Variants in TNP2 observed in about 807,000 individuals in gnomAD.
TNP2 encodes transition protein 2, also known as nuclear transition protein 2.
In TNP2, 10 loss-of-function variants were observed where a neutral mutation model predicts 8.5. The ratio of observed to expected loss-of-function variants is 1.17; its 90% CI spans 0.72 to 1.99. The LOEUF (loss-of-function observed/expected upper bound fraction) is 1.99, where lower values mean the gene tolerates loss of function less well. Among genes scored for constraint, TNP2 ranks in the 30% most tolerant of loss-of-function variants. The pLI is 0.00. For missense variants in TNP2, 222 were observed against 181.2 expected (o/e 1.23, Z -1.29); for synonymous variants, 80 against 62.3 (o/e 1.28, Z -1.34).
chr16:11,268,808 C>G (rs2069744344), intron 1 of TNP2, 55 bp downstream of exon 1: 4 of 1,499,674 alleles, frequency 2.7e-6, no homozygotes, highest in East Asian at 2.3e-5. Context: ...CCCCCAAGGT[C>G]TGCTCTCCAT....
At position 11,269,323 on chromosome 16, in the gene TNP2, TAC is replaced by T; in HGVS notation, c.-63_-62del. On this transcript the variant is annotated 5_prime_UTR_variant, in exon 1 of 2. Coordinates refer to ENST00000312693, the MANE Select transcript of TNP2 (RefSeq NM_005425.5). Reference sequence around the variant, plus strand: ...CATCCTCTCCCAGCAGGCCTAGCTTTACAGAGGCCCTGGCAGCCCACCTGGTT... The same window carrying T: ...CATCCTCTCCCAGCAGGCCTAGCTTTAGAGGCCCTGGCAGCCCACCTGGTT... The T allele has an allele frequency of 6.5e-7, 1 of 1,537,222 alleles. No individual in the cohort carries two copies. The highest frequency in any genetic ancestry group is 1.2e-5 in the South Asian group (1 of 80,370).
chr16:11,268,773 C>G, intron 1 of TNP2, 90 bp downstream of exon 1: 1 of 1,387,424 alleles, frequency 7.2e-7, no homozygotes, highest in Non-Finnish European at 9.5e-7. Context: ...TCCTTTGTGA[C>G]CTGGCTGCAG....
In TNP2 at chr16:11,268,116, T is replaced by C. The variant is rs549286248; in HGVS notation, c.401-104A>G. 10 of 1,064,456 alleles carry C rather than the reference T, an allele frequency of 9.4e-6. No homozygotes were observed. In the South Asian group the frequency reaches 1.4e-4, roughly 15 times the overall value. The allele number at this position is 1,064,456 out of a possible 1,614,324, so 65.9% of individuals were successfully genotyped here. ...GGTCTTACAACTACTCATTTGTGAT[T>C]GAATATGGGACATAGATAGAGTTTA... On this transcript the variant is annotated intron_variant, in intron 1 of 1. Transcript: ENST00000312693.
chr16:11,268,052 G>C, intron 1 of TNP2, 40 bp from the exon 2 acceptor site: 3 of 1,606,248 alleles, frequency 1.9e-6, no homozygotes, highest in Non-Finnish European at 2.6e-6. Context: ...TAATAGCTGA[G>C]CACTTCATGA....
rs766080499 is a variant in TNP2 at position 11,267,979 on chromosome 16, CA to C, written c.*16del. ...TTGGGTGAAACACGCAGGAACAAGCCAAGGAGTGCGGTCTCATTAGTTGGAT... is the reference window on the plus strand; with the variant it reads ...TTGGGTGAAACACGCAGGAACAAGCCAGGAGTGCGGTCTCATTAGTTGGAT... On this transcript the variant is annotated 3_prime_UTR_variant, in exon 2 of 2. Coordinates refer to ENST00000312693, the MANE Select transcript of TNP2 (RefSeq NM_005425.5). 9.9e-6 allele frequency: 16 copies of C among 1,611,374 alleles called. No individual in the cohort carries two copies. In the African/African-American group the frequency reaches 1.9e-4, roughly 19 times the overall value.
In TNP2 at chr16:11,267,903, A is replaced by G. The variant is rs555656700; in HGVS notation, c.*93T>C. 41 of 1,374,866 alleles carry G rather than the reference A, an allele frequency of 3.0e-5. No homozygotes were observed. In the African/African-American group the frequency reaches 3.8e-4, roughly 13 times the overall value. The allele number at this position is 1,374,866 out of a possible 1,614,324, so 85.2% of individuals were successfully genotyped here. ...TAATTAGTGTTGCGTAGAAATCACC[A>G]TAGTAACATGTTCCTGCAAGAAGAT... On this transcript the variant is annotated 3_prime_UTR_variant, in exon 2 of 2. Coordinates refer to ENST00000312693, the MANE Select transcript of TNP2 (RefSeq NM_005425.5).
Position 11,269,095 on chromosome 16 carries a change from G to T in TNP2, c.168C>A (p.His56Gln), listed in dbSNP as rs745401850. 1.9e-6 allele frequency: 3 copies of T among 1,614,016 alleles called. No homozygotes were observed. The highest frequency in any genetic ancestry group is 2.2e-5 in the South Asian group (2 of 91,076). The change falls in exon 1 of 2, where the codon CAC becomes CAA. Residue 56 changes from histidine (H) to glutamine (Q), a missense_variant. Coordinates refer to ENST00000312693, the MANE Select transcript of TNP2 (RefSeq NM_005425.5). ...AGCTGTGGGCTCCAGTTGGGTTGCG[G>T]TGGCTGGCCGGGCTCTGGCTGGAGC... Reference protein sequence around the residue: ...SQSSSQSPASHRNPTGAHSSS... With the variant: ...SQSSSQSPASQRNPTGAHSSS...
chr16:11,269,138 C>T lies in TNP2; in HGVS notation c.125G>A (p.Arg42His), dbSNP rs200495915. 1.6e-4 allele frequency: 256 copies of T among 1,613,944 alleles called. 2 individuals carry two copies. The African/African-American group carries it at 3.0e-3, about 19-fold the overall frequency. ...GCTGGAGCTCTGGCTCCGGCTGCCA[C>T]GATGGCTCTGTCTGCAACTCTGGCT... is the stretch of plus-strand genomic sequence containing the variant. ...TFSQSCRQSH[R>H]GSRSQSSSQS... The change falls in exon 1 of 2, where the codon CGT becomes CAT. Residue 42 changes from arginine to histidine, a missense_variant. Transcript: ENST00000312693.
At position 11,268,019 on chromosome 16, in the gene TNP2, G is replaced by C. The variant is rs2069731182; in HGVS notation, c.401-7C>G. Reference sequence around the variant, plus strand: ...CATTAGTTGGATTTCCATCCTAAGGGATAAGAGTGGGAAAGGAACCTTTAA... The same window carrying C: ...CATTAGTTGGATTTCCATCCTAAGGCATAAGAGTGGGAAAGGAACCTTTAA... On this transcript the variant is annotated splice_polypyrimidine_tract_variant and splice_region_variant and intron_variant, in intron 1 of 1. Coordinates refer to ENST00000312693, the MANE Select transcript of TNP2 (RefSeq NM_005425.5). The C allele has an allele frequency of 6.2e-7, 1 of 1,612,432 alleles. No homozygotes were observed. The highest frequency in any genetic ancestry group is 8.5e-7 in the Non-Finnish European group (1 of 1,179,286).
Position 11,269,314 on chromosome 16 carries a change from G to A in TNP2, c.-52C>T, listed in dbSNP as rs1040781148. ...CCTCCTCCTCATCCTCTCCCAGCAG[G>A]CCTAGCTTTACAGAGGCCCTGGCAG... On this transcript the variant is annotated 5_prime_UTR_variant, in exon 1 of 2. Coordinates refer to ENST00000312693, the MANE Select transcript of TNP2 (RefSeq NM_005425.5). 1.9e-5 allele frequency: 30 copies of A among 1,551,384 alleles called. No homozygotes were observed. The highest frequency in any genetic ancestry group is 6.8e-5 in the African/African-American group (5 of 73,584).
intron 1 of TNP2, chr16:11,268,264 C>T: frequency 2.2e-6 from 1 of 463,708 alleles, no homozygotes; most frequent in Non-Finnish European, 3.9e-6. Context: ...ATTTCTTTCC[C>T]ATTCTATCCC....
intron 1 of TNP2, 72 bp from the exon 2 acceptor site, chr16:11,268,084 C>T: frequency 7.0e-7 from 1 of 1,436,928 alleles, no homozygotes; most frequent in Non-Finnish European, 9.7e-7. Context: ...TCCTTGACCT[C>T]CTGTAAGGTC....
In TNP2 at chr16:11,269,047, ACT is replaced by A; in HGVS notation, c.214_215del (p.Pro73GlnfsTer3). The A allele has an allele frequency of 3.7e-6, 6 of 1,610,242 alleles. No homozygotes were observed. Among genetic ancestry groups the A allele is most frequent in the Non-Finnish European group, 4.2e-6 (5 of 1,178,866 alleles). On this transcript the variant is annotated frameshift_variant, in exon 1 of 2. Coordinates refer to ENST00000312693, the MANE Select transcript of TNP2 (RefSeq NM_005425.5). LOFTEE classifies it high-confidence loss of function. Reference sequence around the variant, plus strand: ...GCTTTGGTGGTGGACTAGTGTTGGGACTCTGGCTCTGGTGGCCGGATGAGCTG... The same window carrying A: ...GCTTTGGTGGTGGACTAGTGTTGGGACTGGCTCTGGTGGCCGGATGAGCTG... ...AHSSSGHQSQ[S>X]PNTSPPPKRH...
In TNP2 at chr16:11,267,915, TC is replaced by T; in HGVS notation, c.*80del. Reference sequence around the variant, plus strand: ...CGTAGAAATCACCATAGTAACATGTTCCTGCAAGAAGATTGACTTCATCCTA... The same window carrying T: ...CGTAGAAATCACCATAGTAACATGTTCTGCAAGAAGATTGACTTCATCCTA... On this transcript the variant is annotated 3_prime_UTR_variant, in exon 2 of 2. Transcript: ENST00000312693. The T allele has an allele frequency of 6.9e-7, 1 of 1,458,818 alleles. No homozygotes were observed. 90.4% of individuals were successfully genotyped at this position (1,458,818 alleles called of 1,614,324 possible).
Position 11,269,299 on chromosome 16 carries a change from A to C in TNP2, c.-37T>G. The C allele has an allele frequency of 6.4e-7, 1 of 1,570,838 alleles. No individual in the cohort carries two copies. On this transcript the variant is annotated 5_prime_UTR_variant, in exon 1 of 2. The change abolishes an upstream ATG in the 5' untranslated region. Transcript: ENST00000312693. ...TTTGGAGGGGCAGGGCCTCCTCCTC[A>C]TCCTCTCCCAGCAGGCCTAGCTTTA...
Position 11,267,994 on chromosome 16 carries a change from C to G in TNP2, c.*2G>C. On this transcript the variant is annotated 3_prime_UTR_variant, in exon 2 of 2. Coordinates refer to ENST00000312693, the MANE Select transcript of TNP2 (RefSeq NM_005425.5). ...AGGAACAAGCCAAGGAGTGCGGTCT[C>G]ATTAGTTGGATTTCCATCCTAAGGG... The G allele has an allele frequency of 3.1e-6, 5 of 1,612,190 alleles. No individual in the cohort carries two copies. Among genetic ancestry groups the G allele is most frequent in the Non-Finnish European group, 4.2e-6 (5 of 1,179,230 alleles).
At position 11,269,273 on chromosome 16, in the gene TNP2, G is replaced by A. The variant is rs762795779; in HGVS notation, c.-11C>T. ...AGTCTGGGTGTCCATAGGAGGCCAC[G>A]TTTGGAGGGGCAGGGCCTCCTCCTC... On this transcript the variant is annotated 5_prime_UTR_variant, in exon 1 of 2. In the 5' UTR this introduces an upstream ATG that the reference lacks. Coordinates refer to ENST00000312693, the MANE Select transcript of TNP2 (RefSeq NM_005425.5). 5.6e-6 allele frequency: 9 copies of A among 1,593,206 alleles called. No individual in the cohort carries two copies. The African/African-American group carries it at 6.7e-5, about 12-fold the overall frequency.
At position 11,267,906 on chromosome 16, in the gene TNP2, G is replaced by A; in HGVS notation, c.*90C>T. On this transcript the variant is annotated 3_prime_UTR_variant, in exon 2 of 2. Transcript: ENST00000312693. The stretch of plus-strand genomic sequence containing the variant: ...TTAGTGTTGCGTAGAAATCACCATA[G>A]TAACATGTTCCTGCAAGAAGATTGA... 1.4e-6 allele frequency: 2 copies of A among 1,402,034 alleles called. No homozygotes were observed. Among genetic ancestry groups the A allele is most frequent in the Non-Finnish European group, 2.0e-6 (2 of 1,008,094 alleles). The allele number at this position is 1,402,034 out of a possible 1,614,324, so 86.8% of individuals were successfully genotyped here. A position where few individuals can be genotyped will look rare whatever the true frequency, so the allele number is the denominator to read the frequency against.
Position 11,269,274 on chromosome 16 carries a change from T to G in TNP2, c.-12A>C. ...GTCTGGGTGTCCATAGGAGGCCACGTTTGGAGGGGCAGGGCCTCCTCCTCA... is the reference window on the plus strand; with the variant it reads ...GTCTGGGTGTCCATAGGAGGCCACGGTTGGAGGGGCAGGGCCTCCTCCTCA... On this transcript the variant is annotated 5_prime_UTR_variant, in exon 1 of 2. Transcript: ENST00000312693. 3 of 1,593,160 alleles carry G rather than the reference T, an allele frequency of 1.9e-6. No homozygotes were observed. Among genetic ancestry groups the G allele is most frequent in the Non-Finnish European group, 2.6e-6 (3 of 1,175,294 alleles).
Sources: allele counts gnomAD v4.1 joint callset, GRCh38; gene constraint gnomAD v4.1.1; transcripts MANE v1.5; gene names NCBI Gene and HGNC (gene_info 2026-07-23, HGNC 2026-07-21).